Variants in FMN2 observed in about 807,000 individuals in gnomAD.
FMN2 encodes the protein formin-2.
FMN2 carries 51 observed loss-of-function variants against 142.3 expected under a neutral mutation model. The observed-to-expected ratio is 0.36, with a 90% CI of 0.29 to 0.45. The LOEUF (loss-of-function observed/expected upper bound fraction) is 0.45, where lower values mean the gene tolerates loss of function less well. Among genes scored for constraint, FMN2 ranks in the 20% least tolerant of loss-of-function variants. The probability of loss-of-function intolerance (pLI) is 1.00; values close to 1 mark genes in which losing one functional copy is unlikely to be tolerated. For missense variants in FMN2, 1,936 were observed against 2,122.8 expected (o/e 0.91, Z 1.73); for synonymous variants, 882 against 869.8 (o/e 1.01, Z -0.25).
At chr1:240,328,172 A>AAAAAAAAAAAAAAAAAAG (rs1671252675) in intron 8 of FMN2, among the ~76,000 whole-genome samples, 2 of 140,844 alleles carry the variant, frequency 1.4e-5, no homozygotes, top group Non-Finnish European at 3.2e-5. Flanking sequence ...AAAAAAAAAA[A>AAAAAAAAAAAAAAAAAAG]GAAAAAGAAA....
chr1:240,360,329 A>T (rs946219636), intron 14 of FMN2, among the ~76,000 whole-genome samples: 4 of 152,200 alleles, frequency 2.6e-5, no homozygotes, highest in Non-Finnish European at 5.9e-5. Flanking sequence ...CACATCTGCA[A>T]ACCAACAGCA....
At chr1:240,215,241 A>G (rs1373222295) in intron 6 of FMN2, among the ~76,000 whole-genome samples, 1 of 152,206 alleles carries the variant, frequency 6.6e-6, no homozygotes, top group Non-Finnish European at 1.5e-5. Flanking sequence ...TTATTACAGC[A>G]ATAATAACCA....
intron 6 of FMN2, among the ~76,000 whole-genome samples, chr1:240,246,416 A>G (rs1272334663): frequency 6.6e-6 from 1 of 152,188 alleles, no homozygotes; most frequent in African/African-American, 2.4e-5. Context: ...AGCTATAACC[A>G]TGCCACTAAG....
chr1:240,099,049 T>C (rs577618933), intron 1 of FMN2, among the ~76,000 whole-genome samples: 1 of 152,266 alleles, frequency 6.6e-6, no homozygotes, highest in South Asian at 2.1e-4. Flanking sequence ...TCCTCATATC[T>C]ATGAAGGTAG....
chr1:240,375,219 A>G (rs1043722200), intron 14 of FMN2, among the ~76,000 whole-genome samples: 7 of 152,300 alleles, frequency 4.6e-5, no homozygotes, highest in Non-Finnish European at 8.8e-5. Context: ...ACAGATCACC[A>G]TAACAGACAA....
chr1:240,271,098 G>GTTCTTTTTTTTTTTTTTTTT (rs1668991482), intron 7 of FMN2, among the ~76,000 whole-genome samples: 1 of 72,244 alleles, frequency 1.4e-5, no homozygotes, highest in African/African-American at 6.6e-5. Context: ...TTCCACGATG[G>GTTCTTTTTTTTTTTTTTTTT]TTTTTTTTTT....
chr1:240,277,758 C>T (rs1216697405), intron 7 of FMN2, among the ~76,000 whole-genome samples: 3 of 151,886 alleles, frequency 2.0e-5, no homozygotes, highest in Non-Finnish European at 4.4e-5. Flanking sequence ...TGGTTTTGAA[C>T]TCCCGACCTC....
At chr1:240,328,999 A>G in intron 8 of FMN2, 77 bp from the exon 9 acceptor site, 1 of 1,276,564 alleles carries the variant, frequency 7.8e-7, no homozygotes. Context: ...CAGCAAATTT[A>G]TCAAGATAAT....
At chr1:240,170,233 G>T (rs935750931) in intron 2 of FMN2, 1 of 1,270,876 alleles carries the variant, frequency 7.9e-7, no homozygotes, top group Admixed American at 1.9e-5. Flanking sequence ...GCCTCTCTCC[G>T]TAGAGGAGAT....
At chr1:240,264,570 CCCTCCTT>C (rs1325150867) in intron 7 of FMN2, among the ~76,000 whole-genome samples, 1 of 151,924 alleles carries the variant, frequency 6.6e-6, no homozygotes, top group Non-Finnish European at 1.5e-5. Flanking sequence ...TGTGATGTTC[CCCTCCTT>C]GTATCCATAT....
At chr1:240,398,858 A>G (rs1014277569) in intron 15 of FMN2, among the ~76,000 whole-genome samples, 2 of 151,350 alleles carry the variant, frequency 1.3e-5, no homozygotes, top group Non-Finnish European at 2.9e-5. Flanking sequence ...ATAGATGTTA[A>G]TTGCTATGTT....
chr1:240,167,460 T>TA (rs1664525882), intron 2 of FMN2, among the ~76,000 whole-genome samples: 1 of 152,192 alleles, frequency 6.6e-6, no homozygotes, highest in Non-Finnish European at 1.5e-5. Context: ...TTTGTAAACA[T>TA]GTCAGAGATC....
At chr1:240,447,026 G>A (rs1275734545) in intron 16 of FMN2, among the ~76,000 whole-genome samples, 2 of 152,196 alleles carry the variant, frequency 1.3e-5, no homozygotes, top group Non-Finnish European at 2.9e-5. Flanking sequence ...ATTCCTGAGA[G>A]ATGAGGGAAG....
intron 7 of FMN2, among the ~76,000 whole-genome samples, chr1:240,284,942 C>T (rs532466111): frequency 6.6e-6 from 1 of 152,140 alleles, no homozygotes; most frequent in African/African-American, 2.4e-5. Flanking sequence ...CTCTCAGGAA[C>T]TGGTCAACCT....
intron 2 of FMN2, among the ~76,000 whole-genome samples, chr1:240,139,047 G>C (rs1663070311): frequency 6.6e-6 from 1 of 152,160 alleles, no homozygotes; most frequent in Admixed American, 6.5e-5. Flanking sequence ...TGATTCAGCT[G>C]GTCTGAGTTG....
chr1:240,372,249 T>A (rs1672893423), intron 14 of FMN2, among the ~76,000 whole-genome samples: 1 of 151,934 alleles, frequency 6.6e-6, no homozygotes, highest in South Asian at 2.1e-4. Context: ...AAACAAAAAC[T>A]TATGAGAAAA....
intron 14 of FMN2, among the ~76,000 whole-genome samples, chr1:240,380,577 T>TG (rs1378530561): frequency 2.6e-5 from 4 of 152,078 alleles, no homozygotes; most frequent in Non-Finnish European, 4.4e-5. Flanking sequence ...ACCTCTGGGA[T>TG]GCAGCAAAAC....
rs577767567 is a variant in FMN2, at chr1:240,106,741, A to G, written c.1615+13017A>G. On this transcript the variant is annotated intron_variant, in intron 1 of 17. Transcript: ENST00000319653. Reference sequence around the variant, plus strand: ...GCTCTTGTTGCTAGGCTGGAGTGCAATGGCGCGATCTTGCTCACTGCAACC... The same window carrying G: ...GCTCTTGTTGCTAGGCTGGAGTGCAGTGGCGCGATCTTGCTCACTGCAACC... Among the ~76,000 whole-genome samples the G allele has an allele frequency of 1.1e-4, 17 of 150,690 alleles. 1 individual carries two copies. In the South Asian group the frequency reaches 2.1e-3, roughly 19 times the overall value.
rs1670131988 is a variant in FMN2 at position 240,299,809 on chromosome 1, A to G, written c.4215+4926A>G. Among the ~76,000 whole-genome samples, 2 of 152,096 alleles carry G rather than the reference A, an allele frequency of 1.3e-5. 1 individual carries two copies. The highest frequency in any genetic ancestry group is 1.3e-4 in the Admixed American group (2 of 15,250). ...GATAATGCATACTGCGATGAACCCA[A>G]GATGGACCTAAGATTACAGAACTAG... On this transcript the variant is annotated intron_variant, in intron 8 of 17. Transcript: ENST00000319653.
Sources: gnomAD v4.1 joint callset for allele counts (sites outside exome capture counted in the v4.1 genomes callset) on GRCh38, gnomAD v4.1.1 for gene constraint, MANE v1.5 for transcripts, NCBI Gene and HGNC (gene_info 2026-07-23, HGNC 2026-07-21) for gene names.